CMIP: variants seen among roughly 807,000 people sequenced by gnomAD.
The protein encoded by CMIP is c-Maf inducing protein.
In CMIP, 13 loss-of-function variants were observed where a neutral mutation model predicts 97.3. The ratio of observed to expected loss-of-function variants is 0.13; its 90% confidence interval spans 0.09 to 0.21. The LOEUF (loss-of-function observed/expected upper bound fraction) is 0.21, where lower values mean the gene tolerates loss of function less well. Ranked by LOEUF, CMIP falls within the 10% of genes least tolerant of loss-of-function variation. The pLI, the probability that CMIP is intolerant of heterozygous loss-of-function variation, is 1.00. For synonymous variants in CMIP, 538 were observed against 436.3 expected, an observed-to-expected ratio of 1.23 and a Z score of -2.91; for missense variants, 847 against 1,024.9, an observed-to-expected ratio of 0.83 and a Z score of 2.37.
intron 20 of CMIP, among the ~76,000 whole-genome samples, 193 bp from the exon 21 acceptor site, chr16:81,709,552 GC>G (rs1908529990): frequency 6.6e-6 from 1 of 152,202 alleles, no homozygotes; most frequent in African/African-American, 2.4e-5. Flanking sequence ...TTTCTCCGGG[GC>G]CAGGGCACAT....
intron 1 of CMIP, among the ~76,000 whole-genome samples, chr16:81,577,968 A>T (rs866524965): frequency 2.4e-5 from 3 of 123,728 alleles, no homozygotes; most frequent in Admixed American, 7.6e-5. Flanking sequence ...TTACCACTAC[A>T]TTATTATCAC....
chr16:81,527,718 C>G (rs530167520), intron 1 of CMIP, among the ~76,000 whole-genome samples: 4 of 152,324 alleles, frequency 2.6e-5, no homozygotes, highest in Admixed American at 6.5e-5. Context: ...TATGTCTGGC[C>G]TCTTTGGCTC....
intron 1 of CMIP, among the ~76,000 whole-genome samples, chr16:81,480,504 C>T (rs563828735): frequency 1.5e-4 from 23 of 152,314 alleles, no homozygotes; most frequent in African/African-American, 5.3e-4. Context: ...CGTGCCACTG[C>T]ACTTCAGCCT....
intron 7 of CMIP, among the ~76,000 whole-genome samples, chr16:81,668,723 C>G (rs1402222702): frequency 6.6e-6 from 1 of 152,050 alleles, no homozygotes; most frequent in Non-Finnish European, 1.5e-5. Flanking sequence ...CAGTGCCTCC[C>G]CTGCCACTAA....
At chr16:81,642,112 C>T (rs1456881615) in intron 3 of CMIP, among the ~76,000 whole-genome samples, 3 of 152,230 alleles carry the variant, frequency 2.0e-5, no homozygotes, top group African/African-American at 4.8e-5. Context: ...ATGGCTTTTC[C>T]GCTGTCTTGT....
At chr16:81,696,522 G>A in intron 13 of CMIP, 38 bp from the exon 14 acceptor site, 1 of 1,580,346 alleles carries the variant, frequency 6.3e-7, no homozygotes, top group South Asian at 1.1e-5. Flanking sequence ...CACCGGGGCT[G>A]CATGCAGCTC....
At chr16:81,527,485 T>G (rs1262374965) in intron 1 of CMIP, among the ~76,000 whole-genome samples, 1 of 152,182 alleles carries the variant, frequency 6.6e-6, no homozygotes, top group South Asian at 2.1e-4. Flanking sequence ...CTTTCAAAAG[T>G]ACACAACCAA....
At chr16:81,533,016 C>T (rs563419750) in intron 1 of CMIP, among the ~76,000 whole-genome samples, 3 of 152,284 alleles carry the variant, frequency 2.0e-5, no homozygotes, top group East Asian at 1.9e-4. Flanking sequence ...CACGCTCCCT[C>T]GCTTCCCTCC....
intron 1 of CMIP, among the ~76,000 whole-genome samples, chr16:81,535,151 T>C (rs531224036): frequency 2.7e-4 from 41 of 152,252 alleles, no homozygotes; most frequent in Non-Finnish European, 4.0e-4. Context: ...GGGGTTTCAC[T>C]GTGTTAGCCA....
chr16:81,653,243 AC>A (rs2092448656), intron 4 of CMIP, among the ~76,000 whole-genome samples: 1 of 152,020 alleles, frequency 6.6e-6, no homozygotes, highest in South Asian at 2.1e-4. Flanking sequence ...TGACAGTGAT[AC>A]CCCCGGTCCT....
At chr16:81,643,702 G>C (rs1265007208) in intron 3 of CMIP, among the ~76,000 whole-genome samples, 2 of 152,192 alleles carry the variant, frequency 1.3e-5, no homozygotes, top group African/African-American at 4.8e-5. Context: ...TGAGGCAGGA[G>C]AATCACTTGA....
At chr16:81,658,330 T>C (rs1225064015) in intron 5 of CMIP, among the ~76,000 whole-genome samples, 1 of 152,194 alleles carries the variant, frequency 6.6e-6, no homozygotes, top group Non-Finnish European at 1.5e-5. Context: ...GAAACCTAAC[T>C]CTCACTTGAG....
rs1164776491 is a variant in CMIP at position 81,627,433 on chromosome 16, C to T, written c.477+6507C>T. On this transcript the variant is annotated intron_variant, in intron 3 of 20. Transcript: ENST00000537098. The surrounding 1 kb of genome is among the most constrained non-coding windows in gnomAD (Gnocchi z 4.6). ...AGCCCACGCGTGGGAGCCTCTCATG[C>T]GCCATCATCAGTGTCTCCAAGTGGG... 1.3e-5 allele frequency among the ~76,000 whole-genome samples: 2 copies of T among 151,990 alleles called. No homozygotes were observed. The highest frequency in any genetic ancestry group is 4.8e-5 in the African/African-American group (2 of 41,350).
At chr16:81,699,014 A>T (rs1907083127) in intron 14 of CMIP, among the ~76,000 whole-genome samples, 1 of 152,230 alleles carries the variant, frequency 6.6e-6, no homozygotes, top group Admixed American at 6.5e-5. Flanking sequence ...CACTGTGGGA[A>T]GCCGAGTTGG....
chr16:81,626,357 CTG>C (rs960920712), intron 3 of CMIP, among the ~76,000 whole-genome samples: 9 of 148,818 alleles, frequency 6.0e-5, no homozygotes, highest in Non-Finnish European at 8.9e-5. Flanking sequence ...TGTGAGGTGA[CTG>C]TTTTGAGTAT....
intron 1 of CMIP, among the ~76,000 whole-genome samples, chr16:81,527,203 A>G (rs2090149258): frequency 6.6e-6 from 1 of 152,106 alleles, no homozygotes; most frequent in African/African-American, 2.4e-5. Flanking sequence ...GATGGTGGAG[A>G]GTGAGGTTTG....
chr16:81,624,355 GTT>G (rs2092031539), intron 3 of CMIP, among the ~76,000 whole-genome samples: 1 of 152,090 alleles, frequency 6.6e-6, no homozygotes, highest in Non-Finnish European at 1.5e-5. Flanking sequence ...ATGCTATCTT[GTT>G]TTTGTCATTT....
At chr16:81,583,943 A>T (rs2091338815) in intron 1 of CMIP, among the ~76,000 whole-genome samples, 6 of 152,214 alleles carry the variant, frequency 3.9e-5, no homozygotes, top group Admixed American at 3.9e-4. Context: ...GGAAATAAAG[A>T]TTGGAAGCCT....
intron 1 of CMIP, among the ~76,000 whole-genome samples, chr16:81,455,891 A>G (rs976852617): frequency 1.1e-4 from 16 of 152,196 alleles, no homozygotes; most frequent in Non-Finnish European, 2.2e-4. Context: ...AGGTGATCCC[A>G]TCAGGCTGGA....
Sources: allele counts gnomAD v4.1 joint callset (sites outside exome capture counted in the v4.1 genomes callset), GRCh38; gene constraint gnomAD v4.1.1; non-coding constraint Gnocchi (gnomAD v3.1); transcripts MANE v1.5; gene names NCBI Gene and HGNC (gene_info 2026-07-23, HGNC 2026-07-21).